Variants in CDKN3 observed in about 807,000 individuals in gnomAD.
CDKN3 encodes cyclin-dependent kinase inhibitor 3.
In CDKN3, 19 loss-of-function variants were observed where a neutral mutation model predicts 36.1. The ratio of observed to expected loss-of-function variants is 0.53; its 90% confidence interval spans 0.37 to 0.77. CDKN3 has a LOEUF of 0.77. CDKN3 is among the 30% of genes least tolerant of loss of function. The probability of loss-of-function intolerance (pLI) is 0.00; values close to 1 mark genes in which losing one functional copy is unlikely to be tolerated. For synonymous variants in CDKN3, 71 were observed against 85.3 expected, an observed-to-expected ratio of 0.83 and a Z score of 0.92; for missense variants, 188 against 248.6, an observed-to-expected ratio of 0.76 and a Z score of 1.64.
chr14:54,409,723 C>T (rs1420663654), intron 4 of CDKN3, among the ~76,000 whole-genome samples: 1 of 151,888 alleles, frequency 6.6e-6, no homozygotes, highest in Admixed American at 6.5e-5. Context: ...GTCCCAGCAA[C>T]TTGGGAGGCT....
chr14:54,403,960 C>T (rs1449254141), intron 3 of CDKN3, among the ~76,000 whole-genome samples: 2 of 152,138 alleles, frequency 1.3e-5, no homozygotes, highest in Non-Finnish European at 2.9e-5. Context: ...TGAGGATTTT[C>T]GCATCGATGT....
chr14:54,412,726 C>T (rs1038277756), intron 5 of CDKN3: 9 of 354,916 alleles, frequency 2.5e-5, no homozygotes, highest in Admixed American at 9.5e-5. Flanking sequence ...GATGCTCTGC[C>T]GGAAGTGAAA....
chr14:54,409,147 T>G (rs2030266350), intron 4 of CDKN3, among the ~76,000 whole-genome samples: 1 of 152,120 alleles, frequency 6.6e-6, no homozygotes, highest in Non-Finnish European at 1.5e-5. Flanking sequence ...GTAGTAGAAA[T>G]TAAACATGAG....
rs556678837 is a variant in CDKN3, at chr14:54,399,072, G to A, written c.10-822G>A. 1.6e-4 allele frequency among the ~76,000 whole-genome samples: 21 copies of A among 131,058 alleles called. No individual in the cohort carries two copies. The South Asian group carries it at 5.0e-3, about 31-fold the overall frequency. The allele number at this position is 131,058 out of a possible 152,430, so 86.0% of individuals were successfully genotyped here. On this transcript the variant is annotated intron_variant, in intron 1 of 7. Transcript: ENST00000335183. ...GTGTTCCTGGCTCACTGCAACCTCT[G>A]CCTCCTGGGTTCCAGGGATTCTCCT... is the stretch of plus-strand genomic sequence containing the variant.
chr14:54,398,987 C>CTTTTCT (rs1555361319), intron 1 of CDKN3, among the ~76,000 whole-genome samples: 2 of 109,276 alleles, frequency 1.8e-5, no homozygotes, highest in Non-Finnish European at 3.5e-5. Flanking sequence ...TTTCTTCTTC[C>CTTTTCT]TTTTTTTTTT....
At chr14:54,413,399 G>A (rs891557839) in intron 5 of CDKN3, among the ~76,000 whole-genome samples, 1 of 147,726 alleles carries the variant, frequency 6.8e-6, no homozygotes, top group South Asian at 2.2e-4. Flanking sequence ...AGCCTCTACT[G>A]AAAAGTTTCC....
chr14:54,413,459 T>C, intron 5 of CDKN3: 1 of 583,382 alleles, frequency 1.7e-6, no homozygotes, highest in Non-Finnish European at 3.0e-6. Flanking sequence ...CAAATTCTAC[T>C]GTAGCTGGTT....
chr14:54,411,271 G>T, intron 4 of CDKN3: 11 of 431,622 alleles, frequency 2.5e-5, no homozygotes, highest in African/African-American at 4.1e-5. Flanking sequence ...GACTTATTTT[G>T]AAATTCAGTA....
At chr14:54,418,283 A>G in intron 7 of CDKN3, 1 of 702,198 alleles carries the variant, frequency 1.4e-6, no homozygotes, top group South Asian at 1.5e-5. Flanking sequence ...GGACAATGAG[A>G]TGGTTATTGT....
At chr14:54,408,526 T>C (rs1285388580) in intron 3 of CDKN3, 1 of 497,406 alleles carries the variant, frequency 2.0e-6, no homozygotes, top group Non-Finnish European at 3.3e-6. Context: ...CAGGTACTTG[T>C]TACAGAAGAA....
In CDKN3 at chr14:54,408,794, G is replaced by C; in HGVS notation, c.193+5G>C. The C allele has an allele frequency of 6.4e-7, 1 of 1,572,658 alleles. No individual in the cohort carries two copies. Among genetic ancestry groups the C allele is most frequent in the Non-Finnish European group, 8.6e-7 (1 of 1,165,140 alleles). On this transcript the variant is annotated splice_donor_5th_base_variant and intron_variant, in intron 4 of 7. Transcript: ENST00000335183. ...GAAATGTCCAAAAAGATACAGGTAG[G>C]TATAATATCACGCAACCACACTCAT...
At chr14:54,405,982 T>C (rs1406704434) in intron 3 of CDKN3, among the ~76,000 whole-genome samples, 1 of 152,248 alleles carries the variant, frequency 6.6e-6, no homozygotes, top group Non-Finnish European at 1.5e-5. Context: ...ATACCAGTTG[T>C]TCCTTTCCAG....
intron 7 of CDKN3, among the ~76,000 whole-genome samples, chr14:54,418,672 C>T (rs1180133824): frequency 1.3e-5 from 2 of 152,176 alleles, no homozygotes; most frequent in Non-Finnish European, 2.9e-5. Context: ...TAGGCAGCTC[C>T]CTAGACTTGA....
chr14:54,408,690 C>A, intron 3 of CDKN3, 55 bp from the exon 4 acceptor site: 3 of 1,527,114 alleles, frequency 2.0e-6, no homozygotes, highest in East Asian at 2.4e-5. Flanking sequence ...TTTAAACATA[C>A]CTGTTACATA....
At chr14:54,412,885 T>G (rs1235228617) in intron 5 of CDKN3, 1 of 517,042 alleles carries the variant, frequency 1.9e-6, no homozygotes, top group African/African-American at 1.9e-5. Flanking sequence ...CCAAGTTCCT[T>G]AAGGACATTG....
At chr14:54,399,518 G>A (rs1252810352) in intron 1 of CDKN3, among the ~76,000 whole-genome samples, 2 of 152,186 alleles carry the variant, frequency 1.3e-5, no homozygotes, top group South Asian at 2.1e-4. Context: ...TGCATCTCCA[G>A]TGCTTGGCAA....
At chr14:54,406,169 ACT>A in intron 3 of CDKN3, among the ~76,000 whole-genome samples, 1 of 152,194 alleles carries the variant, frequency 6.6e-6, no homozygotes, top group Non-Finnish European at 1.5e-5. Context: ...ATTGGCCCCC[ACT>A]CTCTTCTGGC....
At chr14:54,413,829 G>A (rs1287100180) in intron 5 of CDKN3, 6 of 1,402,718 alleles carry the variant, frequency 4.3e-6, no homozygotes, top group African/African-American at 1.5e-5. Flanking sequence ...ACTGTATTTT[G>A]TAGTTTCTTG....
Position 54,417,954 on chromosome 14 carries a change from G to A in CDKN3, c.552+3G>A. ...CCGGGGCAATACAGACCATCAAGGT[G>A]AGGAGGTGGGCGGTGCTTGCTTGGT... On this transcript the variant is annotated splice_donor_region_variant and intron_variant, in intron 7 of 7. Coordinates refer to ENST00000335183, the MANE Select transcript of CDKN3 (RefSeq NM_005192.4). 6.5e-7 allele frequency: 1 copy of A among 1,544,562 alleles called. No homozygotes were observed. The highest frequency in any genetic ancestry group is 1.2e-5 in the South Asian group (1 of 85,582).
Sources: gnomAD v4.1 joint callset for allele counts (sites outside exome capture counted in the v4.1 genomes callset) on GRCh38, gnomAD v4.1.1 for gene constraint, MANE v1.5 for transcripts, NCBI Gene and HGNC (gene_info 2026-07-23, HGNC 2026-07-21) for gene names.